The following RANBP2 variants were observed in gnomAD, a reference collection of about 807,000 sequenced individuals.
RANBP2 encodes E3 SUMO-protein ligase RanBP2.
Under a neutral mutation model 303.6 loss-of-function variants are expected in RANBP2, and 57 were observed. That is an observed-to-expected ratio of 0.19 (90% CI 0.15 to 0.23). RANBP2 has a LOEUF of 0.23. RANBP2 is among the 10% of genes least tolerant of loss of function. RANBP2 has a pLI of 1.00. For synonymous variants in RANBP2, 1,167 were observed against 1,301.5 expected (o/e 0.90, Z 2.23); for missense variants, 3,138 against 3,780.8 (o/e 0.83, Z 4.46).
At chr2:109,154,818 C>A in the RANBP2 span, among the ~76,000 whole-genome samples, 4 of 152,272 alleles carry the variant, frequency 2.6e-5, no homozygotes, top group African/African-American at 7.2e-5. Context: ...CTGCATAGAG[C>A]CTTCTGAAGC....
chr2:109,289,478 GTGC>G, the RANBP2 span, among the ~76,000 whole-genome samples: 2 of 152,180 alleles, frequency 1.3e-5, no homozygotes, highest in Admixed American at 6.5e-5. Context: ...GGTCTGGGTG[GTGC>G]TGCTCTTATA....
At chr2:109,377,649 A>G in the RANBP2 span, among the ~76,000 whole-genome samples, 3 of 152,212 alleles carry the variant, frequency 2.0e-5, no homozygotes, top group Non-Finnish European at 4.4e-5. Flanking sequence ...GAAATAATAT[A>G]ATACCCAGAA....
At chr2:109,270,397 C>T in the RANBP2 span, among the ~76,000 whole-genome samples, 6 of 152,172 alleles carry the variant, frequency 3.9e-5, no homozygotes, top group African/African-American at 7.2e-5. Context: ...GCTGTGATTC[C>T]TGCTGTAGGA....
chr2:109,510,870 G>A, the RANBP2 span, among the ~76,000 whole-genome samples: 1 of 152,318 alleles, frequency 6.6e-6, no homozygotes, highest in African/African-American at 2.4e-5. Flanking sequence ...CGGGTGGCCG[G>A]AGCTATGGGG....
At chr2:109,503,457 A>G in the RANBP2 span, 1 of 152,138 alleles carries the variant, frequency 6.6e-6, no homozygotes, top group African/African-American at 2.4e-5. Context: ...CCCCAAGATG[A>G]TAATAGATTT....
chr2:109,471,206 CAAAAAAAAAA>C, the RANBP2 span, among the ~76,000 whole-genome samples: 1 of 40,144 alleles, frequency 2.5e-5, no homozygotes, highest in Non-Finnish European at 6.5e-5. Flanking sequence ...GACTCTGTCT[CAAAAAAAAAA>C]AAAAAAAAAA....
At chr2:108,903,948 G>A in the RANBP2 span, among the ~76,000 whole-genome samples, 1 of 152,006 alleles carries the variant, frequency 6.6e-6, no homozygotes, top group Non-Finnish European at 1.5e-5. Flanking sequence ...TTTATAATTA[G>A]TTTCATAAAT....
chr2:109,199,627 T>TCAACCCGA, the RANBP2 span, among the ~76,000 whole-genome samples: 1 of 94 alleles, frequency 0.011, no homozygotes. Context: ...TGGAATGGAA[T>TCAACCCGA]GGAATGGAAT....
the RANBP2 span, among the ~76,000 whole-genome samples, chr2:109,400,847 C>T: frequency 6.6e-6 from 1 of 152,244 alleles, no homozygotes; most frequent in Admixed American, 6.5e-5. Flanking sequence ...CAGCCTGTGC[C>T]TGGGAGCCAT....
chr2:109,229,104 A>G, the RANBP2 span, among the ~76,000 whole-genome samples: 1 of 152,092 alleles, frequency 6.6e-6, no homozygotes, highest in Non-Finnish European at 1.5e-5. Flanking sequence ...CAAATATCAG[A>G]ACAAAAGATA....
At chr2:109,203,366 T>C in the RANBP2 span, among the ~76,000 whole-genome samples, 2 of 152,316 alleles carry the variant, frequency 1.3e-5, no homozygotes, top group Admixed American at 1.3e-4. Context: ...GCTGCCCTGT[T>C]GTGAGACGGA....
At chr2:108,922,604 G>A in the RANBP2 span, among the ~76,000 whole-genome samples, 1 of 152,132 alleles carries the variant, frequency 6.6e-6, no homozygotes. Flanking sequence ...TGAGACATGG[G>A]GGTAGTGGCG....
chr2:109,652,669 G>A, the RANBP2 span, among the ~76,000 whole-genome samples: 1 of 152,134 alleles, frequency 6.6e-6, no homozygotes, highest in Non-Finnish European at 1.5e-5. Context: ...AGTTCATGGA[G>A]GCAACTTGAG....
the RANBP2 span, chr2:108,815,946 A>G: frequency 1.2e-6 from 2 of 1,606,400 alleles, no homozygotes; most frequent in South Asian, 1.1e-5. Flanking sequence ...TATAGGTACC[A>G]CTTAATGGGC....
At position 108,764,853 on chromosome 2, in the gene RANBP2, T is replaced by A. The variant is rs1677002119; in HGVS notation, c.4314T>A (p.Cys1438Ter). 6.2e-7 allele frequency: 1 copy of A among 1,613,918 alleles called. No individual in the cohort carries two copies. Among genetic ancestry groups the A allele is most frequent in the South Asian group, 1.1e-5 (1 of 91,084 alleles). Reference protein sequence around the residue: ...NEPTVSRCIACQNTKSANKSG... With the variant: ...NEPTVSRCIA Reference sequence around the variant, plus strand: ...CTACTGTATCTAGGTGCATTGCGTGTCAGAATACAAAATCTGCTAACAAAA... The same window carrying A: ...CTACTGTATCTAGGTGCATTGCGTGACAGAATACAAAATCTGCTAACAAAA... Residue 1438 changes from cysteine to a stop codon, truncating the protein, a stop_gained, in exon 20 of 29, where the codon TGT becomes TGA. Coordinates refer to ENST00000283195, the MANE Select transcript of RANBP2 (RefSeq NM_006267.5). LOFTEE classifies it high-confidence loss of function.
chr2:109,378,477 G>C, the RANBP2 span, among the ~76,000 whole-genome samples: 4 of 152,306 alleles, frequency 2.6e-5, no homozygotes, highest in Non-Finnish European at 4.4e-5. Flanking sequence ...TGGGCTTATG[G>C]AGCTGTGTGA....
chr2:109,399,487 A>G, the RANBP2 span, among the ~76,000 whole-genome samples: 51 of 151,884 alleles, frequency 3.4e-4, no homozygotes, highest in African/African-American at 1.2e-3. Flanking sequence ...AAAGCAAAGT[A>G]TTTAAAGGCT....
At chr2:108,902,928 A>G in the RANBP2 span, among the ~76,000 whole-genome samples, 2 of 152,204 alleles carry the variant, frequency 1.3e-5, no homozygotes, top group East Asian at 3.8e-4. Flanking sequence ...AAGGAAAGAA[A>G]CGGTACACAG....
chr2:108,847,004 A>G, the RANBP2 span: 15 of 824,578 alleles, frequency 1.8e-5, no homozygotes, highest in Non-Finnish European at 3.0e-5. Flanking sequence ...CAATTCTTTT[A>G]TCAAATATGT....
Sources: gnomAD v4.1 joint callset for allele counts (sites outside exome capture counted in the v4.1 genomes callset) on GRCh38, gnomAD v4.1.1 for gene constraint, MANE v1.5 for transcripts, NCBI Gene and HGNC (gene_info 2026-07-23, HGNC 2026-07-21) for gene names.